Variants in ALDH7A1 observed in about 807,000 individuals in gnomAD.
ALDH7A1 encodes alpha-aminoadipic semialdehyde dehydrogenase.
ALDH7A1 carries 63 observed loss-of-function variants against 79.9 expected under a neutral mutation model. That is an observed-to-expected ratio of 0.79 (90% CI 0.64 to 0.97). The LOEUF (loss-of-function observed/expected upper bound fraction) is 0.97, where lower values mean the gene tolerates loss of function less well. ALDH7A1 is among the 50% of genes least tolerant of loss of function. ALDH7A1 has a pLI of 0.00. For synonymous variants in ALDH7A1, 240 were observed against 231.2 expected (o/e 1.04, Z -0.34); for missense variants, 627 against 665.2 (o/e 0.94, Z 0.63).
At chr5:126,591,337 G>C (rs530050014) in intron 3 of ALDH7A1, among the ~76,000 whole-genome samples, 2 of 152,038 alleles carry the variant, frequency 1.3e-5, no homozygotes, top group South Asian at 4.2e-4. Context: ...CATAATTAAA[G>C]TAGAGGAAAG....
intron 3 of ALDH7A1, chr5:126,584,258 A>G: frequency 4.0e-6 from 2 of 502,948 alleles, no homozygotes; most frequent in East Asian, 6.9e-5. Context: ...TTGCCAACAA[A>G]TAATTACAAA....
chr5:126,577,076 T>TA lies in ALDH7A1; in HGVS notation c.650+2dup. On this transcript the variant is annotated splice_region_variant and intron_variant, in intron 6 of 17. Transcript: ENST00000409134. ...ACTAAATAGGAAAGTGAGCAGGTCT[T>TA]ACCAGAGGCAGACATTTCCACAGAT... 6.2e-7 allele frequency: 1 copy of TA among 1,613,940 alleles called. No homozygotes were observed. The highest frequency in any genetic ancestry group is 1.1e-5 in the South Asian group (1 of 91,076).
chr5:126,545,299 G>A (rs1749749495), intron 17 of ALDH7A1, among the ~76,000 whole-genome samples: 1 of 151,928 alleles, frequency 6.6e-6, no homozygotes, highest in African/African-American at 2.4e-5. Context: ...TTTTGAGACA[G>A]GGTCTCACTC....
chr5:126,576,330 G>C (rs1306269726), intron 6 of ALDH7A1, among the ~76,000 whole-genome samples: 1 of 150,354 alleles, frequency 6.7e-6, no homozygotes, highest in Non-Finnish European at 1.5e-5. Context: ...AAGAAATACA[G>C]TTATTAGTCC....
intron 6 of ALDH7A1, among the ~76,000 whole-genome samples, chr5:126,576,203 C>G (rs1554100363): frequency 3.5e-5 from 5 of 143,828 alleles, no homozygotes; most frequent in Non-Finnish European, 7.4e-5. Flanking sequence ...GCGGAGCTTG[C>G]AGAGAGCCGA....
At chr5:126,572,031 T>G (rs1447556394) in intron 7 of ALDH7A1, among the ~76,000 whole-genome samples, 1 of 152,208 alleles carries the variant, frequency 6.6e-6, no homozygotes, top group African/African-American at 2.4e-5. Flanking sequence ...AAATCTGATT[T>G]TGAGTCATAA....
chr5:126,583,350 G>A (rs1256839623), intron 4 of ALDH7A1, among the ~76,000 whole-genome samples: 1 of 151,794 alleles, frequency 6.6e-6, no homozygotes, highest in Non-Finnish European at 1.5e-5. Context: ...GCATGGTGGT[G>A]CACACCTGTA....
chr5:126,543,783 C>G lies in ALDH7A1; in HGVS notation c.*1182G>C, dbSNP rs1749693302. On this transcript the variant is annotated 3_prime_UTR_variant, in exon 18 of 18. Transcript: ENST00000409134. The stretch of plus-strand genomic sequence containing the variant: ...TCTGGGCTGAACCAGCCCAAAGGCT[C>G]CTGTGCAGCTTCCCAGTGAGAAAAG... 6.6e-6 allele frequency: 1 copy of G among 151,984 alleles called. No individual in the cohort carries two copies. Among genetic ancestry groups the G allele is most frequent in the Non-Finnish European group, 1.5e-5 (1 of 68,030 alleles). 9.4% of individuals were successfully genotyped at this position (151,984 alleles called of 1,614,324 possible).
At chr5:126,557,711 T>C (rs541867824) in intron 11 of ALDH7A1, among the ~76,000 whole-genome samples, 6 of 152,324 alleles carry the variant, frequency 3.9e-5, no homozygotes, top group Non-Finnish European at 7.3e-5. Flanking sequence ...ACACTCAATA[T>C]GAATGAGAGC....
intron 17 of ALDH7A1, among the ~76,000 whole-genome samples, chr5:126,545,858 A>C (rs573062729): frequency 6.7e-6 from 1 of 150,344 alleles, no homozygotes; most frequent in African/African-American, 2.4e-5. Flanking sequence ...CATGCCTGTA[A>C]TCCCAGGACT....
intron 7 of ALDH7A1, among the ~76,000 whole-genome samples, chr5:126,572,793 C>G (rs1314538937): frequency 1.3e-5 from 2 of 152,130 alleles, no homozygotes; most frequent in Non-Finnish European, 2.9e-5. Context: ...CTTTCTTGTA[C>G]CTGTATGATT....
chr5:126,570,128 G>A (rs967598039), intron 8 of ALDH7A1: 4 of 152,414 alleles, frequency 2.6e-5, no homozygotes, highest in African/African-American at 9.6e-5. Context: ...TTTAGTGGCT[G>A]TCAGGGCATG....
chr5:126,580,268 C>T (rs1392624940), intron 5 of ALDH7A1, among the ~76,000 whole-genome samples: 2 of 151,758 alleles, frequency 1.3e-5, no homozygotes, highest in Admixed American at 6.6e-5. Context: ...CCAGCTAATC[C>T]GTATTTTTAT....
At chr5:126,564,112 C>T (rs1221637014) in intron 9 of ALDH7A1, among the ~76,000 whole-genome samples, 2 of 152,120 alleles carry the variant, frequency 1.3e-5, no homozygotes, top group African/African-American at 4.8e-5. Context: ...TACCTTACTC[C>T]TCCCAGCATA....
chr5:126,574,478 G>A (rs1750898018), intron 7 of ALDH7A1, among the ~76,000 whole-genome samples: 1 of 150,922 alleles, frequency 6.6e-6, no homozygotes, highest in South Asian at 2.1e-4. Context: ...GGTGGATCAT[G>A]AGGTCAGGAG....
Position 126,581,935 on chromosome 5 carries a change from G to A in ALDH7A1, c.517+916C>T, listed in dbSNP as rs546541563. The stretch of plus-strand genomic sequence containing the variant: ...GGAGGTTGCAGTGAGCCAAGATCGC[G>A]CCACTGCACTCCAGCCTGGGCAACA... On this transcript the variant is annotated intron_variant, in intron 5 of 17. Coordinates refer to ENST00000409134, the MANE Select transcript of ALDH7A1 (RefSeq NM_001182.5). 1.2e-4 allele frequency: 42 copies of A among 346,880 alleles called. No individual in the cohort carries two copies. In the South Asian group the frequency reaches 2.6e-3, roughly 22 times the overall value. The allele number at this position is 346,880 out of a possible 1,614,324, so 21.5% of individuals were successfully genotyped here. A position where few individuals can be genotyped will look rare whatever the true frequency, so the allele number is the denominator to read the frequency against.
At chr5:126,564,738 G>C (rs1163831937) in intron 9 of ALDH7A1, 4 of 426,174 alleles carry the variant, frequency 9.4e-6, no homozygotes, top group African/African-American at 4.1e-5. Context: ...CGCTATGCTA[G>C]GTGTTAAGAA....
chr5:126,583,150 C>G (rs1274886204), intron 4 of ALDH7A1, among the ~76,000 whole-genome samples, 176 bp from the exon 5 acceptor site: 2 of 152,198 alleles, frequency 1.3e-5, no homozygotes, highest in Non-Finnish European at 2.9e-5. Context: ...TCCTGTCTAC[C>G]TTGTTAATCT....
chr5:126,564,082 T>C (rs925832111), intron 9 of ALDH7A1, among the ~76,000 whole-genome samples: 9 of 152,116 alleles, frequency 5.9e-5, no homozygotes, highest in Admixed American at 4.6e-4. Flanking sequence ...CCACTACACC[T>C]GGCCTATAAA....
Sources: gnomAD v4.1 joint callset for allele counts (sites outside exome capture counted in the v4.1 genomes callset) on GRCh38, gnomAD v4.1.1 for gene constraint, MANE v1.5 for transcripts, NCBI Gene and HGNC (gene_info 2026-07-23, HGNC 2026-07-21) for gene names.